The following TENM2 variants were observed in gnomAD, a reference collection of about 807,000 sequenced individuals.
The protein encoded by TENM2 is teneurin transmembrane protein 2.
In TENM2, 52 loss-of-function variants were observed where a neutral mutation model predicts 245.2. That is an observed-to-expected ratio of 0.21 (90% CI 0.17 to 0.27). The LOEUF is 0.27. TENM2 is among the 10% of genes least tolerant of loss of function. TENM2 has a pLI of 1.00. For missense variants in TENM2, 3,046 were observed against 3,666.8 expected (o/e 0.83, Z 4.37); for synonymous variants, 1,363 against 1,438.9 (o/e 0.95, Z 1.19).
intron 2 of TENM2, among the ~76,000 whole-genome samples, chr5:167,702,425 T>G (rs866199293): frequency 6.6e-6 from 1 of 151,942 alleles, no homozygotes. Flanking sequence ...CCAACACACT[T>G]GCTTATACAC....
intron 2 of TENM2, among the ~76,000 whole-genome samples, chr5:167,405,299 C>T (rs1762571876): frequency 6.6e-6 from 1 of 151,798 alleles, no homozygotes; most frequent in South Asian, 2.1e-4. Context: ...CTTGAAGTTT[C>T]CTGCATCTGG....
chr5:167,931,587 G>A (rs537327752), intron 3 of TENM2, among the ~76,000 whole-genome samples: 1 of 150,666 alleles, frequency 6.6e-6, no homozygotes, highest in African/African-American at 2.4e-5. Context: ...AACATCTCTT[G>A]GAGCAGGCAG....
At chr5:167,488,483 CCTT>C (rs1041525140) in intron 2 of TENM2, among the ~76,000 whole-genome samples, 6 of 152,264 alleles carry the variant, frequency 3.9e-5, no homozygotes, top group Admixed American at 3.9e-4. Context: ...ATCACTCCCT[CCTT>C]CTTGAAATAT....
At chr5:168,137,586 G>C (rs1477411873) in intron 12 of TENM2, among the ~76,000 whole-genome samples, 1 of 152,246 alleles carries the variant, frequency 6.6e-6, no homozygotes, top group Non-Finnish European at 1.5e-5. Flanking sequence ...CTGCTTTGCA[G>C]ATAGCATCCT....
rs1370645877 is a variant in TENM2 at position 167,520,194 on chromosome 5, G to A, written c.502+144721G>A. On this transcript the variant is annotated intron_variant, in intron 2 of 28. Transcript: ENST00000518659. The stretch of plus-strand genomic sequence containing the variant: ...GTGCAGTTGAGTTTTAAAGTATTTT[G>A]ATATTCCCTGTAACCATTATATGTC... 1.1e-4 allele frequency among the ~76,000 whole-genome samples: 17 copies of A among 152,110 alleles called. 1 individual carries two copies. Among genetic ancestry groups the A allele is most frequent in the Admixed American group, 1.1e-3 (17 of 15,268 alleles).
At chr5:167,683,379 C>T (rs1282161317) in intron 2 of TENM2, among the ~76,000 whole-genome samples, 1 of 152,070 alleles carries the variant, frequency 6.6e-6, no homozygotes, top group East Asian at 1.9e-4. Flanking sequence ...GTCATCCTTC[C>T]CCCGGTTGCA....
intron 1 of TENM2, chr5:167,287,647 T>C (rs1177624044): frequency 2.0e-5 from 3 of 152,172 alleles, no homozygotes; most frequent in African/African-American, 7.2e-5. Flanking sequence ...ACCTGCCATC[T>C]CCCAGCAGGA....
intron 2 of TENM2, among the ~76,000 whole-genome samples, chr5:167,492,952 G>C (rs1405720162): frequency 6.6e-6 from 1 of 152,052 alleles, no homozygotes; most frequent in Non-Finnish European, 1.5e-5. Context: ...GCAGAAGCTT[G>C]GCAAAATGTC....
intron 5 of TENM2, among the ~76,000 whole-genome samples, chr5:168,043,150 A>G (rs952089298): frequency 2.0e-5 from 3 of 152,166 alleles, no homozygotes; most frequent in Non-Finnish European, 4.4e-5. Context: ...ACCCCAGTGC[A>G]TCCAGGATCT....
intron 2 of TENM2, among the ~76,000 whole-genome samples, chr5:167,499,260 C>A (rs192344711): frequency 1.1e-4 from 17 of 152,148 alleles, no homozygotes; most frequent in Middle Eastern, 3.4e-3. Context: ...AGGTATCCTT[C>A]CAAGGTTGCA....
chr5:167,458,034 G>A (rs1766026482), intron 2 of TENM2, among the ~76,000 whole-genome samples: 1 of 151,952 alleles, frequency 6.6e-6, no homozygotes, highest in Non-Finnish European at 1.5e-5. Context: ...TCTTAGACTT[G>A]GTGATATAGC....
chr5:167,041,210 A>C, the TENM2 span, among the ~76,000 whole-genome samples: 1 of 152,230 alleles, frequency 6.6e-6, no homozygotes, highest in Non-Finnish European at 1.5e-5. Flanking sequence ...CAGGTACTAC[A>C]CAGTAATATG....
At chr5:167,787,796 G>A (rs186630632) in intron 2 of TENM2, among the ~76,000 whole-genome samples, 4 of 152,344 alleles carry the variant, frequency 2.6e-5, no homozygotes, top group Admixed American at 2.6e-4. Context: ...GGTTGGGAGT[G>A]TGAGTGAGTT....
the TENM2 span, among the ~76,000 whole-genome samples, chr5:167,065,806 A>T: frequency 2.0e-5 from 3 of 152,364 alleles, no homozygotes; most frequent in African/African-American, 7.2e-5. Context: ...GTGAAAATTT[A>T]TCATAGACAA....
At chr5:167,767,966 C>A (rs966057485) in intron 2 of TENM2, among the ~76,000 whole-genome samples, 1 of 152,124 alleles carries the variant, frequency 6.6e-6, no homozygotes, top group African/African-American at 2.4e-5. Flanking sequence ...TGAATATTTG[C>A]CTGAACTGTC....
chr5:167,589,772 A>C (rs1775754899), intron 2 of TENM2, among the ~76,000 whole-genome samples: 1 of 151,988 alleles, frequency 6.6e-6, no homozygotes, highest in African/African-American at 2.4e-5. Context: ...TGCATTAAAT[A>C]GCACTCAAAA....
chr5:168,156,247 T>A (rs372255961), intron 12 of TENM2, among the ~76,000 whole-genome samples: 8 of 80,794 alleles, frequency 9.9e-5, no homozygotes, highest in South Asian at 5.2e-4. Flanking sequence ...TCCCCATAGT[T>A]AAAAAAAAAA....
rs111564398 is a variant in TENM2 at position 168,091,986 on chromosome 5, C to T, written c.1711+1217C>T. ...ATCATGACAAATAAAACGTGTGTGG[C>T]ATGTGTTGGTGGTCACTAAGTGACA... On this transcript the variant is annotated intron_variant, in intron 8 of 28. Coordinates refer to ENST00000518659, the Ensembl canonical transcript of TENM2. 8.1e-3 allele frequency among the ~76,000 whole-genome samples: 1,231 copies of T among 152,284 alleles called. 16 individuals are homozygous for T. The highest frequency in any genetic ancestry group is 0.025 in the African/African-American group (1,042 of 41,550).
intron 2 of TENM2, among the ~76,000 whole-genome samples, chr5:167,493,054 A>T (rs1055262216): frequency 3.3e-5 from 5 of 152,052 alleles, no homozygotes; most frequent in African/African-American, 9.7e-5. Context: ...CTGCTGTGGG[A>T]TTCTGTGATT....
Sources: gnomAD v4.1 joint callset for allele counts (sites outside exome capture counted in the v4.1 genomes callset) on GRCh38, gnomAD v4.1.1 for gene constraint, MANE v1.5 for transcripts, NCBI Gene and HGNC (gene_info 2026-07-23, HGNC 2026-07-21) for gene names.